CSMD1: variants seen among roughly 807,000 people sequenced by gnomAD.
The protein encoded by CSMD1 is CUB and sushi domain-containing protein 1.
CSMD1 carries 213 observed loss-of-function variants against 417.5 expected under a neutral mutation model. The ratio of observed to expected loss-of-function variants is 0.51; its 90% CI spans 0.46 to 0.57. CSMD1 has a LOEUF of 0.57. Ranked by LOEUF, CSMD1 falls within the 20% of genes least tolerant of loss-of-function variation. The pLI is 0.00. For missense variants in CSMD1, 6,923 were observed against 4,529.7 expected (o/e 1.53, Z -15.17); for synonymous variants, 2,862 against 1,736.8 (o/e 1.65, Z -16.11).
intron 57 of CSMD1, among the ~76,000 whole-genome samples, chr8:2,967,094 G>A (rs548191631): frequency 3.2e-4 from 49 of 152,246 alleles, no homozygotes; most frequent in African/African-American, 9.9e-4. Context: ...TTTTAATGCC[G>A]TGACAGAATT....
intron 1 of CSMD1, among the ~76,000 whole-genome samples, chr8:4,720,040 A>T (rs988312964): frequency 5.3e-5 from 8 of 152,184 alleles, no homozygotes; most frequent in South Asian, 2.1e-4. Context: ...TAAATATTTT[A>T]AAGAAATTAT....
chr8:4,525,741 G>A (rs1338456343), intron 2 of CSMD1, among the ~76,000 whole-genome samples: 2 of 152,050 alleles, frequency 1.3e-5, no homozygotes, highest in African/African-American at 4.8e-5. Context: ...TCATCACATG[G>A]GCAATGCTTA....
rs531368738 is a variant in CSMD1, at chr8:4,596,523, G to A, written c.302+40819C>T. On this transcript the variant is annotated intron_variant, in intron 2 of 69. Coordinates refer to ENST00000635120, the MANE Select transcript of CSMD1 (RefSeq NM_033225.6). Reference sequence around the variant, plus strand: ...ACACACAAGACTCTGTTCCTTAACAGTATTTTCTCACCAAGCTATAAGCTT... The same window carrying A: ...ACACACAAGACTCTGTTCCTTAACAATATTTTCTCACCAAGCTATAAGCTT... 4.6e-5 allele frequency among the ~76,000 whole-genome samples: 7 copies of A among 151,772 alleles called. 2 individuals are homozygous for A. Among genetic ancestry groups the A allele is most frequent in the African/African-American group, 1.7e-4 (7 of 41,456 alleles).
At chr8:4,784,195 A>G (rs1797291810) in intron 1 of CSMD1, among the ~76,000 whole-genome samples, 1 of 152,224 alleles carries the variant, frequency 6.6e-6, no homozygotes, top group Non-Finnish European at 1.5e-5. Context: ...TACAAAATGA[A>G]TATTTTATTT....
At chr8:3,906,124 C>T (rs1363615223) in intron 5 of CSMD1, among the ~76,000 whole-genome samples, 1 of 152,166 alleles carries the variant, frequency 6.6e-6, no homozygotes, top group Admixed American at 6.5e-5. Flanking sequence ...TGTGGGAATT[C>T]CTTCCACCCC....
intron 49 of CSMD1, among the ~76,000 whole-genome samples, chr8:3,053,008 C>G (rs893461981): frequency 6.6e-6 from 1 of 152,082 alleles, no homozygotes; most frequent in African/African-American, 2.4e-5. Context: ...TTGCCAACTC[C>G]CAAACTCAGG....
chr8:3,247,565 G>A (rs34162586), intron 26 of CSMD1, among the ~76,000 whole-genome samples: 8 of 152,070 alleles, frequency 5.3e-5, no homozygotes, highest in East Asian at 1.9e-4. Context: ...TCTTGAATAC[G>A]CAGAGGATGG....
chr8:3,161,831 A>G (rs1819917288), intron 38 of CSMD1, among the ~76,000 whole-genome samples: 1 of 152,156 alleles, frequency 6.6e-6, no homozygotes, highest in Non-Finnish European at 1.5e-5. Context: ...AGCAGATTCA[A>G]TTACTGGCTG....
At chr8:4,870,702 G>A (rs1802687413) in intron 1 of CSMD1, among the ~76,000 whole-genome samples, 1 of 152,090 alleles carries the variant, frequency 6.6e-6, no homozygotes, top group African/African-American at 2.4e-5. Context: ...AGATGTCACG[G>A]GACAAAGCCA....
intron 10 of CSMD1, among the ~76,000 whole-genome samples, chr8:3,559,782 G>C (rs903889178): frequency 1.3e-5 from 2 of 152,070 alleles, no homozygotes; most frequent in Non-Finnish European, 2.9e-5. Flanking sequence ...AGATAAATTA[G>C]AAAATGGAGA....
chr8:4,060,762 C>G (rs1026748446), intron 3 of CSMD1, among the ~76,000 whole-genome samples: 11 of 152,040 alleles, frequency 7.2e-5, no homozygotes, highest in African/African-American at 2.4e-4. Context: ...GTTATTCTAC[C>G]TATGTGGGAC....
chr8:4,533,996 C>A (rs531585621), intron 2 of CSMD1, among the ~76,000 whole-genome samples: 8 of 150,980 alleles, frequency 5.3e-5, no homozygotes, highest in Non-Finnish European at 1.0e-4. Context: ...ATTTGTCAGT[C>A]TATAGGTATA....
At chr8:4,159,265 A>G (rs1247398288) in intron 3 of CSMD1, among the ~76,000 whole-genome samples, 3 of 152,198 alleles carry the variant, frequency 2.0e-5, no homozygotes, top group Non-Finnish European at 4.4e-5. Context: ...TCATTGGGGT[A>G]GCATTTAGTG....
chr8:4,010,999 G>T (rs187335648), intron 4 of CSMD1, among the ~76,000 whole-genome samples: 52 of 152,182 alleles, frequency 3.4e-4, no homozygotes, highest in Middle Eastern at 3.4e-3. Flanking sequence ...CCCTTTCTGG[G>T]GGATGACTGT....
intron 5 of CSMD1, among the ~76,000 whole-genome samples, chr8:3,881,390 C>G (rs1163213377): frequency 6.6e-6 from 1 of 151,130 alleles, no homozygotes; most frequent in African/African-American, 2.4e-5. Flanking sequence ...AATCCCAGCA[C>G]TTTGGGAGGC....
chr8:3,547,159 G>C (rs1187271222), intron 10 of CSMD1, among the ~76,000 whole-genome samples: 2 of 152,188 alleles, frequency 1.3e-5, no homozygotes, highest in Non-Finnish European at 2.9e-5. Context: ...CTCTGGGCTT[G>C]GCAAAGATGA....
At chr8:3,996,622 G>C (rs1815244275) in intron 5 of CSMD1, among the ~76,000 whole-genome samples, 1 of 152,124 alleles carries the variant, frequency 6.6e-6, no homozygotes, top group Non-Finnish European at 1.5e-5. Flanking sequence ...AAATTCCTGA[G>C]TGTTTAAAGT....
At position 4,663,482 on chromosome 8, in the gene CSMD1, T is replaced by C. The variant is rs375496916; in HGVS notation, c.86-25924A>G. 3.3e-3 allele frequency among the ~76,000 whole-genome samples: 497 copies of C among 152,224 alleles called. 10 individuals are homozygous for C. Among genetic ancestry groups the C allele is most frequent in the South Asian group, 0.031 (147 of 4,812 alleles). ...GGAGGAGGGGCCTGGTGGGAGGTGA[T>C]TGAATCATGGGCACAGATATTCCCC... On this transcript the variant is annotated intron_variant, in intron 1 of 69. Transcript: ENST00000635120.
intron 49 of CSMD1, among the ~76,000 whole-genome samples, chr8:3,058,599 G>A (rs868374138): frequency 3.9e-5 from 6 of 152,184 alleles, no homozygotes; most frequent in African/African-American, 1.4e-4. Context: ...TAGAAAGAAT[G>A]TTTGTGCCAC....
Sources: allele counts gnomAD v4.1 joint callset (sites outside exome capture counted in the v4.1 genomes callset), GRCh38; gene constraint gnomAD v4.1.1; transcripts MANE v1.5; gene names NCBI Gene and HGNC (gene_info 2026-07-23, HGNC 2026-07-21).